The following SEMA3D variants were observed in gnomAD, a reference collection of about 807,000 sequenced individuals.
The protein encoded by SEMA3D is semaphorin 3D.
Under a neutral mutation model 100.1 loss-of-function variants are expected in SEMA3D, and 84 were observed. The ratio of observed to expected loss-of-function variants is 0.84; its 90% confidence interval spans 0.70 to 1.01. The LOEUF is 1.01. SEMA3D is among the 50% of genes least tolerant of loss of function. The pLI is 0.00. For missense variants in SEMA3D, 875 were observed against 934.1 expected (o/e 0.94, Z 0.82); for synonymous variants, 312 against 320.7 (o/e 0.97, Z 0.29).
chr7:85,241,192 A>G, the SEMA3D span, among the ~76,000 whole-genome samples: 1 of 152,016 alleles, frequency 6.6e-6, no homozygotes, highest in Non-Finnish European at 1.5e-5. Flanking sequence ...ATGCAGTGAA[A>G]AGGGAACACA....
chr7:85,152,279 T>C (rs138337872), intron 2 of SEMA3D, among the ~76,000 whole-genome samples: 1 of 152,216 alleles, frequency 6.6e-6, no homozygotes, highest in African/African-American at 2.4e-5. Context: ...CAAAGATGCA[T>C]GTAAAAGAAT....
intron 2 of SEMA3D, among the ~76,000 whole-genome samples, chr7:85,145,684 T>A (rs1429167203): frequency 1.3e-5 from 2 of 152,082 alleles, no homozygotes; most frequent in African/African-American, 4.8e-5. Flanking sequence ...TTATAAGGCA[T>A]TTGCAAAGAG....
chr7:85,079,355 T>C lies in SEMA3D; in HGVS notation c.375+2162A>G, dbSNP rs184400897. Reference sequence around the variant, plus strand: ...AAAATGAGGCAAAAATTAAAAATTATCACTACATGATTCAACATCAAACTA... The same window carrying C: ...AAAATGAGGCAAAAATTAAAAATTACCACTACATGATTCAACATCAAACTA... On this transcript the variant is annotated intron_variant, in intron 5 of 18. Transcript: ENST00000284136. 3.3e-5 allele frequency among the ~76,000 whole-genome samples: 5 copies of C among 152,280 alleles called. No individual in the cohort carries two copies. The East Asian group carries it at 9.7e-4, about 29-fold the overall frequency.
intron 17 of SEMA3D, among the ~76,000 whole-genome samples, chr7:85,008,364 T>C (rs1004683173): frequency 6.6e-6 from 1 of 151,808 alleles, no homozygotes; most frequent in Non-Finnish European, 1.5e-5. Context: ...AACTCTTTTT[T>C]CAAATTAATA....
intron 3 of SEMA3D, among the ~76,000 whole-genome samples, chr7:85,108,543 G>A (rs940970691): frequency 1.1e-4 from 16 of 152,026 alleles, no homozygotes; most frequent in Admixed American, 1.1e-3. Context: ...CACAGAGTAT[G>A]TCTGAGATTC....
At chr7:85,182,576 G>A (rs1205146060) in intron 1 of SEMA3D, among the ~76,000 whole-genome samples, 1 of 152,082 alleles carries the variant, frequency 6.6e-6, no homozygotes, top group African/African-American at 2.4e-5. Flanking sequence ...AACAGAAAAA[G>A]TAAAGAATAC....
the SEMA3D span, among the ~76,000 whole-genome samples, chr7:85,208,891 G>T: frequency 6.6e-6 from 1 of 151,970 alleles, no homozygotes; most frequent in Non-Finnish European, 1.5e-5. Context: ...TTGAAAGAGG[G>T]TAACTTAGTT....
chr7:85,116,996 C>T (rs1789262375), intron 3 of SEMA3D, among the ~76,000 whole-genome samples: 1 of 152,152 alleles, frequency 6.6e-6, no homozygotes, highest in South Asian at 2.1e-4. Flanking sequence ...TTCAACACTA[C>T]TATCATTGAG....
chr7:85,102,848 C>A (rs751877355), intron 3 of SEMA3D, among the ~76,000 whole-genome samples: 2 of 151,868 alleles, frequency 1.3e-5, no homozygotes, highest in Non-Finnish European at 2.9e-5. Context: ...GCTTTATTTT[C>A]TTTCATCATA....
chr7:85,231,180 T>A, the SEMA3D span, among the ~76,000 whole-genome samples: 1 of 152,312 alleles, frequency 6.6e-6, no homozygotes, highest in Non-Finnish European at 1.5e-5. Context: ...ATTCTATCTT[T>A]GGCTTTCTCT....
In SEMA3D at chr7:85,081,617, C is replaced by T. The variant is rs1788069067; in HGVS notation, c.313-38G>A. The T allele has an allele frequency of 3.7e-6, 5 of 1,351,186 alleles. No homozygotes were observed. In the East Asian group the frequency reaches 1.1e-4, roughly 31 times the overall value. The allele number at this position is 1,351,186 out of a possible 1,614,324, so 83.7% of individuals were successfully genotyped here. A position where few individuals can be genotyped will look rare whatever the true frequency, so the allele number is the denominator to read the frequency against. On this transcript the variant is annotated intron_variant, in intron 4 of 18. Transcript: ENST00000284136. Reference sequence around the variant, plus strand: ...TCAAAGTATGTTACAACCTGAATATCTGAAACACCCTAACACTCTGCAATT... The same window carrying T: ...TCAAAGTATGTTACAACCTGAATATTTGAAACACCCTAACACTCTGCAATT...
At chr7:85,229,927 GA>G in the SEMA3D span, among the ~76,000 whole-genome samples, 2 of 151,860 alleles carry the variant, frequency 1.3e-5, no homozygotes, top group African/African-American at 2.4e-5. Flanking sequence ...CAAAATAAAA[GA>G]AAAAAACTCT....
At chr7:85,035,021 C>G (rs1400529117) in intron 12 of SEMA3D, among the ~76,000 whole-genome samples, 1 of 151,956 alleles carries the variant, frequency 6.6e-6, no homozygotes, top group Non-Finnish European at 1.5e-5. Flanking sequence ...GAGATATTAT[C>G]ACTCTTAGAT....
At chr7:85,220,898 T>G in the SEMA3D span, among the ~76,000 whole-genome samples, 3 of 152,152 alleles carry the variant, frequency 2.0e-5, no homozygotes, top group Non-Finnish European at 4.4e-5. Flanking sequence ...AGAATCATGT[T>G]GCACAAAATG....
the SEMA3D span, among the ~76,000 whole-genome samples, chr7:85,224,785 C>G: frequency 3.3e-5 from 5 of 151,818 alleles, no homozygotes; most frequent in Admixed American, 3.3e-4. Flanking sequence ...CCTTTAAAAG[C>G]AGAGATGCCT....
At chr7:85,088,968 A>T (rs752080660) in intron 4 of SEMA3D, among the ~76,000 whole-genome samples, 1 of 152,034 alleles carries the variant, frequency 6.6e-6, no homozygotes, top group Non-Finnish European at 1.5e-5. Context: ...CTTCTACTAC[A>T]CTTTTGCTTA....
chr7:85,248,276 AC>A, the SEMA3D span, among the ~76,000 whole-genome samples: 1 of 152,136 alleles, frequency 6.6e-6, no homozygotes, highest in South Asian at 2.1e-4. Context: ...ACAATGAGAT[AC>A]TACTACACAC....
chr7:85,245,695 A>C, the SEMA3D span, among the ~76,000 whole-genome samples: 3 of 152,154 alleles, frequency 2.0e-5, no homozygotes, highest in African/African-American at 7.2e-5. Context: ...TCAATCTTTC[A>C]CATAGCATTT....
chr7:85,116,787 T>C (rs1789256938), intron 3 of SEMA3D, among the ~76,000 whole-genome samples: 1 of 152,166 alleles, frequency 6.6e-6, no homozygotes, highest in Non-Finnish European at 1.5e-5. Flanking sequence ...ATTTTCTGTG[T>C]ATGGTATAGA....
Sources: gnomAD v4.1 joint callset for allele counts (sites outside exome capture counted in the v4.1 genomes callset) on GRCh38, gnomAD v4.1.1 for gene constraint, MANE v1.5 for transcripts, NCBI Gene and HGNC (gene_info 2026-07-23, HGNC 2026-07-21) for gene names.